Variants in DLG2 observed in about 807,000 individuals in gnomAD.
DLG2 encodes disks large homolog 2.
DLG2 carries 45 observed loss-of-function variants against 132.5 expected under a neutral mutation model. The observed-to-expected ratio is 0.34, with a 90% CI of 0.27 to 0.44. The LOEUF (loss-of-function observed/expected upper bound fraction) is 0.44, where lower values mean the gene tolerates loss of function less well. Ranked by LOEUF, DLG2 falls within the 20% of genes least tolerant of loss-of-function variation. The pLI, the probability that DLG2 is intolerant of heterozygous loss-of-function variation, is 1.00. For synonymous variants in DLG2, 424 were observed against 419.6 expected (o/e 1.01, Z -0.13); for missense variants, 1,045 against 1,196.9 (o/e 0.87, Z 1.87).
At chr11:83,986,696 T>C (rs2093345020) in intron 11 of DLG2, among the ~76,000 whole-genome samples, 1 of 152,094 alleles carries the variant, frequency 6.6e-6, no homozygotes, top group Non-Finnish European at 1.5e-5. Flanking sequence ...AGTGTTCCTA[T>C]TTCTCCACAT....
intron 15 of DLG2, among the ~76,000 whole-genome samples, chr11:83,923,512 G>A (rs1020998297): frequency 2.6e-5 from 4 of 152,020 alleles, no homozygotes; most frequent in African/African-American, 4.8e-5. Flanking sequence ...CAAGGGACCC[G>A]ATATATTTTG....
At chr11:84,457,337 A>G (rs2099068048) in intron 7 of DLG2, among the ~76,000 whole-genome samples, 1 of 151,110 alleles carries the variant, frequency 6.6e-6, no homozygotes, top group African/African-American at 2.4e-5. Flanking sequence ...GAGATTGGAT[A>G]TACTACAAAA....
chr11:84,158,894 A>C (rs553597056), intron 9 of DLG2, among the ~76,000 whole-genome samples: 1 of 152,232 alleles, frequency 6.6e-6, no homozygotes, highest in Non-Finnish European at 1.5e-5. Flanking sequence ...AATATTAAGA[A>C]TAATTATATA....
chr11:83,527,506 T>C (rs1181213775), intron 21 of DLG2, among the ~76,000 whole-genome samples: 1 of 152,030 alleles, frequency 6.6e-6, no homozygotes, highest in Non-Finnish European at 1.5e-5. Context: ...AGCCCAAGAG[T>C]TTGAGACCAG....
chr11:85,404,967 A>T (rs942186036), intron 3 of DLG2, among the ~76,000 whole-genome samples: 28 of 151,958 alleles, frequency 1.8e-4, no homozygotes, highest in African/African-American at 6.5e-4. Flanking sequence ...GGTTCTAGAA[A>T]ATCCCTTGAA....
chr11:84,455,121 C>T (rs2099061934), intron 7 of DLG2, among the ~76,000 whole-genome samples: 1 of 151,310 alleles, frequency 6.6e-6, no homozygotes, highest in African/African-American at 2.4e-5. Context: ...AATAATTTGT[C>T]AAACATTTCT....
At chr11:84,686,810 A>G (rs2099738642) in intron 6 of DLG2, 1 of 152,200 alleles carries the variant, frequency 6.6e-6, no homozygotes, top group Non-Finnish European at 1.5e-5. Context: ...GCAGAAAAAA[A>G]GAAGAAAGCC....
At chr11:84,213,750 C>G (rs563524249) in intron 8 of DLG2, among the ~76,000 whole-genome samples, 3 of 140,246 alleles carry the variant, frequency 2.1e-5, no homozygotes, top group African/African-American at 8.0e-5. Flanking sequence ...ACCCGAGAGG[C>G]GGAGCTTGCA....
At chr11:83,859,292 G>A (rs1259046713) in intron 16 of DLG2, among the ~76,000 whole-genome samples, 1 of 152,164 alleles carries the variant, frequency 6.6e-6, no homozygotes, top group Non-Finnish European at 1.5e-5. Flanking sequence ...GAAAATGTGG[G>A]AAAGTTTGGG....
chr11:83,969,553 T>C (rs34716185), intron 12 of DLG2, among the ~76,000 whole-genome samples: 6,475 of 152,272 alleles, frequency 0.043, 198 homozygotes, highest in Non-Finnish European at 0.067. Context: ...CCACTTGTGC[T>C]TAGATAATGA....
chr11:84,738,483 A>G (rs1021220487), intron 6 of DLG2, among the ~76,000 whole-genome samples: 1 of 152,146 alleles, frequency 6.6e-6, no homozygotes, highest in Admixed American at 6.5e-5. Flanking sequence ...TCAATATACT[A>G]GGTATTCTGT....
intron 10 of DLG2, among the ~76,000 whole-genome samples, chr11:84,077,339 T>C (rs2096842766): frequency 6.6e-6 from 1 of 152,208 alleles, no homozygotes; most frequent in African/African-American, 2.4e-5. Context: ...ATCTTGATTT[T>C]GCCAAATCTA....
At chr11:83,590,167 C>T (rs2097162483) in intron 19 of DLG2, among the ~76,000 whole-genome samples, 1 of 148,186 alleles carries the variant, frequency 6.7e-6, no homozygotes, top group Non-Finnish European at 1.5e-5. Context: ...AACTCTCCAC[C>T]CCAAATCAAC....
intron 7 of DLG2, among the ~76,000 whole-genome samples, chr11:84,425,151 C>A (rs576043777): frequency 6.6e-6 from 1 of 152,024 alleles, no homozygotes; most frequent in South Asian, 2.1e-4. Context: ...TTTTTTAATA[C>A]CAAGGGGCAA....
At chr11:84,021,424 G>C (rs2095389147) in intron 11 of DLG2, among the ~76,000 whole-genome samples, 1 of 151,994 alleles carries the variant, frequency 6.6e-6, no homozygotes, top group Non-Finnish European at 1.5e-5. Flanking sequence ...ACCTATTCTT[G>C]ACGAAAGAGC....
At chr11:85,374,135 T>G (rs1316059077) in intron 3 of DLG2, among the ~76,000 whole-genome samples, 1 of 152,088 alleles carries the variant, frequency 6.6e-6, no homozygotes, top group Non-Finnish European at 1.5e-5. Context: ...AAGCAGACAG[T>G]TTTTGAGCTG....
intron 18 of DLG2, among the ~76,000 whole-genome samples, chr11:83,664,475 C>G (rs914282299): frequency 1.3e-5 from 2 of 150,340 alleles, no homozygotes; most frequent in Admixed American, 1.3e-4. Flanking sequence ...CTGAAAGAAT[C>G]TGAGGGGTGG....
intron 6 of DLG2, among the ~76,000 whole-genome samples, chr11:84,729,338 C>G (rs2062872183): frequency 6.6e-6 from 1 of 151,756 alleles, no homozygotes; most frequent in South Asian, 2.1e-4. Flanking sequence ...CGTTATTTAC[C>G]CAGTAGTCAT....
intron 18 of DLG2, among the ~76,000 whole-genome samples, chr11:83,736,849 G>A (rs2091965028): frequency 6.6e-6 from 1 of 152,172 alleles, no homozygotes; most frequent in Non-Finnish European, 1.5e-5. Flanking sequence ...TGATTCCAAT[G>A]AAACCTGATG....
Sources: gnomAD v4.1 joint callset for allele counts (sites outside exome capture counted in the v4.1 genomes callset) on GRCh38, gnomAD v4.1.1 for gene constraint, MANE v1.5 for transcripts, NCBI Gene and HGNC (gene_info 2026-07-23, HGNC 2026-07-21) for gene names.